Variants in EHMT2 observed in about 807,000 individuals in gnomAD.
EHMT2 encodes the protein euchromatic histone lysine methyltransferase 2.
Under a neutral mutation model 143.3 loss-of-function variants are expected in EHMT2, and 59 were observed. The ratio of observed to expected loss-of-function variants is 0.41; its 90% confidence interval spans 0.33 to 0.51. The LOEUF is 0.51. Among genes scored for constraint, EHMT2 ranks in the 20% least tolerant of loss-of-function variants. The pLI, the probability that EHMT2 is intolerant of heterozygous loss-of-function variation, is 0.18. For synonymous variants in EHMT2, 604 were observed against 651.5 expected (o/e 0.93, Z 1.11); for missense variants, 1,174 against 1,645.9 (o/e 0.71, Z 4.96).
In EHMT2 at chr6:31,884,376, G is replaced by A. The variant is rs752113238; in HGVS notation, c.2771+16C>T. Reference sequence around the variant, plus strand: ...GAGGAGGTGGTCTTGGGTGCAGAGAGGGGCCCAGGGCTCACCGGCAGATGA... The same window carrying A: ...GAGGAGGTGGTCTTGGGTGCAGAGAAGGGCCCAGGGCTCACCGGCAGATGA... On this transcript the variant is annotated intron_variant, in intron 21 of 27. Transcript: ENST00000375537. The surrounding 1 kb of genome is among the most constrained non-coding windows in gnomAD (Gnocchi z 7.3). The A allele has an allele frequency of 3.1e-6, 5 of 1,603,940 alleles. No homozygotes were observed. The highest frequency in any genetic ancestry group is 4.3e-6 in the Non-Finnish European group (5 of 1,175,064).
Position 31,889,566 on chromosome 6 carries a change from C to T in EHMT2, c.901G>A (p.Glu301Lys), listed in dbSNP as rs1357627067. 1.9e-6 allele frequency: 3 copies of T among 1,611,544 alleles called. No homozygotes were observed. Among genetic ancestry groups the T allele is most frequent in the Non-Finnish European group, 2.5e-6 (3 of 1,179,980 alleles). The change falls in exon 8 of 28, where the codon GAG becomes AAG. Residue 301 changes from glutamate to lysine, a missense_variant. Glu to Lys is a moderately conservative substitution (Grantham distance 56). Transcript: ENST00000375537. The surrounding 1 kb of genome is among the most constrained non-coding windows in gnomAD (Gnocchi z 5.1). ...TCTTCCTCCTCTTCCTCCTCCTCCT[C>T]TTCACTTAGTTGTTCAGTTAGAGCT...
At position 31,883,256 on chromosome 6, in the gene EHMT2, C is replaced by A. The variant is rs1045549736; in HGVS notation, c.2994+106G>T. 13 of 1,223,712 alleles carry A rather than the reference C, an allele frequency of 1.1e-5. No homozygotes were observed. Among genetic ancestry groups the A allele is most frequent in the Non-Finnish European group, 1.4e-5 (12 of 854,136 alleles). 75.8% of individuals were successfully genotyped at this position (1,223,712 alleles called of 1,614,324 possible). ...GCCCAGTCCTCTCAGTCACTTCCCCCACAGGGTAGGAGGTGAGGGACATGG... is the reference window on the plus strand; with the variant it reads ...GCCCAGTCCTCTCAGTCACTTCCCCAACAGGGTAGGAGGTGAGGGACATGG... On this transcript the variant is annotated intron_variant, in intron 23 of 27. Transcript: ENST00000375537. This position sits in a 1 kb window ranked among gnomAD's most constrained non-coding sequence, Gnocchi z 5.6.
chr6:31,883,774 C>A lies in EHMT2; in HGVS notation c.2916+32G>T. The A allele has an allele frequency of 1.9e-6, 3 of 1,608,664 alleles. No homozygotes were observed. Among genetic ancestry groups the A allele is most frequent in the Non-Finnish European group, 1.7e-6 (2 of 1,177,168 alleles). On this transcript the variant is annotated intron_variant, in intron 22 of 27. Coordinates refer to ENST00000375537, the Ensembl canonical transcript of EHMT2. The surrounding 1 kb of genome is among the most constrained non-coding windows in gnomAD (Gnocchi z 5.6). ...AACTGTACTTGGCAGCTCTCGGTGT[C>A]CTTTTGGGGAGGCCCCGGGCCCCCT...
At position 31,889,155 on chromosome 6, in the gene EHMT2, G is replaced by A. The variant is rs1196971826; in HGVS notation, c.1114+73C>T. 6.5e-7 allele frequency: 1 copy of A among 1,542,766 alleles called. No homozygotes were observed. The highest frequency in any genetic ancestry group is 8.8e-7 in the Non-Finnish European group (1 of 1,134,752). On this transcript the variant is annotated intron_variant, in intron 9 of 27. Transcript: ENST00000375537. This position sits in a 1 kb window ranked among gnomAD's most constrained non-coding sequence, Gnocchi z 5.1. ...CATGCAGGTGGACATGCGAGAGCGT[G>A]TGTGTGCGTGCACACACTCTGGGGG...
exon 5 of EHMT2, chr6:31,892,880 T>C (rs2151648753): frequency 6.3e-7 from 1 of 1,590,310 alleles, no homozygotes; most frequent in Non-Finnish European, 8.6e-7. Context: ...AAATGCTGTA[T>C]TTCAGGGGGC....
chr6:31,882,956 C>T (rs1238357108), exon 24 of EHMT2: 1 of 1,612,972 alleles, frequency 6.2e-7, no homozygotes, highest in South Asian at 1.1e-5. Context: ...CCTGGTTACA[C>T]TCGAAAATCA....
At chr6:31,893,670 G>A (rs1163761575) in intron 4 of EHMT2, 2 of 262,998 alleles carry the variant, frequency 7.6e-6, no homozygotes, top group Non-Finnish European at 1.5e-5. Flanking sequence ...ATGCTGCCCA[G>A]GTGAAAGGAA....
At position 31,896,511 on chromosome 6, in the gene EHMT2, C is replaced by A. The variant is rs770907168; in HGVS notation, c.334G>T (p.Ala112Ser). The change falls in exon 4 of 28, where the codon GCC becomes TCC. Residue 112 changes from alanine to serine, a missense_variant. Ala to Ser is a moderately conservative substitution (Grantham distance 99). Around this residue, in one of 6 missense-constraint regions of EHMT2, gnomAD observed 399 missense variants for 404.4 expected, o/e 0.99. Coordinates refer to ENST00000375537, the Ensembl canonical transcript of EHMT2. ...GGGGAAGAGGGGAATGACTTTGTGG[C>A]ATGGCCTAGAAAACAGGCAAGCAAA... is the stretch of plus-strand genomic sequence containing the variant. 1.1e-5 allele frequency: 18 copies of A among 1,612,732 alleles called. 1 individual carries two copies. The South Asian group carries it at 1.8e-4, about 16-fold the overall frequency.
rs1766373132 is a variant in EHMT2, at chr6:31,896,091, G to A, written c.582+172C>T. ...CACCCAAGAATGTAAACTGCAGGAA[G>A]AGAGGAACCTGTCTGTTGGTTCACA... On this transcript the variant is annotated intron_variant, in intron 4 of 27. Transcript: ENST00000375537. 4.7e-6 allele frequency: 4 copies of A among 854,996 alleles called. No homozygotes were observed. The South Asian group carries it at 9.0e-5, about 19-fold the overall frequency. 53.0% of individuals were successfully genotyped at this position (854,996 alleles called of 1,614,324 possible).
At chr6:31,892,426 C>G in exon 7 of EHMT2, 1 of 1,612,952 alleles carries the variant, frequency 6.2e-7, no homozygotes, top group Non-Finnish European at 8.5e-7. Context: ...GGAGTCCACG[C>G]GCTCATCCAC....
intron 4 of EHMT2, chr6:31,893,462 C>T: frequency 7.6e-6 from 3 of 393,150 alleles, no homozygotes; most frequent in Non-Finnish European, 1.5e-5. Flanking sequence ...GGATTACAGG[C>T]ACATGTCACA....
chr6:31,884,107 G>C lies in EHMT2; in HGVS notation c.2772-157C>G, dbSNP rs9267660. The C allele has an allele frequency of 0.034, 29,123 of 861,756 alleles. 1,152 individuals carry two copies. Among genetic ancestry groups the C allele is most frequent in the African/African-American group, 0.14 (8,148 of 58,602 alleles). 53.4% of individuals were successfully genotyped at this position (861,756 alleles called of 1,614,324 possible). ...GACAGCGAGTTAACATAGAATTTTA[G>C]ATAAACAAGAAATAGCTTTTTAGTA... is the stretch of plus-strand genomic sequence containing the variant. On this transcript the variant is annotated intron_variant, in intron 21 of 27. Transcript: ENST00000375537. This position sits in a 1 kb window ranked among gnomAD's most constrained non-coding sequence, Gnocchi z 7.3.
At chr6:31,885,406 C>T (rs1562485173) in intron 18 of EHMT2, 1 of 167,866 alleles carries the variant, frequency 6.0e-6, no homozygotes, top group Non-Finnish European at 1.3e-5. Flanking sequence ...ACCCGGGAGG[C>T]GGAGCTTGCA....
chr6:31,887,420 C>T (rs1376243771), intron 15 of EHMT2, among the ~76,000 whole-genome samples, 157 bp downstream of exon 15: 3 of 152,194 alleles, frequency 2.0e-5, no homozygotes. Flanking sequence ...TCACCACATC[C>T]CCATCGTTAT....
chr6:31,881,433 A>C lies in EHMT2; in HGVS notation c.3198-341T>G. The C allele has an allele frequency of 2.3e-6, 1 of 429,572 alleles. No individual in the cohort carries two copies. The highest frequency in any genetic ancestry group is 4.3e-6 in the Non-Finnish European group (1 of 230,470). The allele number at this position is 429,572 out of a possible 1,614,324, so 26.6% of individuals were successfully genotyped here. On this transcript the variant is annotated intron_variant, in intron 25 of 27. Transcript: ENST00000375537. This position sits in a 1 kb window ranked among gnomAD's most constrained non-coding sequence, Gnocchi z 4.8. ...AGGAATGGGCGATATGGAACAGGAGAGGGGCCAGGACTGCAGGAAGAGCCA... is the reference window on the plus strand; with the variant it reads ...AGGAATGGGCGATATGGAACAGGAGCGGGGCCAGGACTGCAGGAAGAGCCA...
chr6:31,888,585 G>A lies in EHMT2; in HGVS notation c.1365+14C>T. 6.2e-7 allele frequency: 1 copy of A among 1,611,314 alleles called. No homozygotes were observed. Among genetic ancestry groups the A allele is most frequent in the Non-Finnish European group, 8.5e-7 (1 of 1,179,454 alleles). ...GGACGCCCTGGCACCTCTCCCACCA[G>A]CCCACGGCCCCACCTCTCCGTCCAC... is the stretch of plus-strand genomic sequence containing the variant. On this transcript the variant is annotated intron_variant, in intron 11 of 27. Transcript: ENST00000375537. This position sits in a 1 kb window ranked among gnomAD's most constrained non-coding sequence, Gnocchi z 7.4.
chr6:31,879,878 T>C (rs148639657), exon 28 of EHMT2: 26 of 595,152 alleles, frequency 4.4e-5, no homozygotes, highest in Admixed American at 8.9e-5. Context: ...AGCCCTGAAG[T>C]TGCCCTCCCA....
Position 31,883,773 on chromosome 6 carries a change from T to G in EHMT2, c.2916+33A>C, listed in dbSNP as rs774605736. On this transcript the variant is annotated intron_variant, in intron 22 of 27. Transcript: ENST00000375537. This position sits in a 1 kb window ranked among gnomAD's most constrained non-coding sequence, Gnocchi z 5.6. ...CAACTGTACTTGGCAGCTCTCGGTG[T>G]CCTTTTGGGGAGGCCCCGGGCCCCC... 3.1e-6 allele frequency: 5 copies of G among 1,604,654 alleles called. No individual in the cohort carries two copies. In the South Asian group the frequency reaches 5.5e-5, roughly 18 times the overall value.
rs755132066 is a variant in EHMT2 at position 31,884,677 on chromosome 6, G to C, written c.2571C>G (p.Ile857Met). The change falls in exon 20 of 28, where the codon ATC becomes ATG. Residue 857 changes from isoleucine (I) to methionine (M), a missense_variant. Around this residue, in one of 6 missense-constraint regions of EHMT2, gnomAD observed 608 missense variants for 903.7 expected, o/e 0.67. Transcript: ENST00000375537. The surrounding 1 kb of genome is among the most constrained non-coding windows in gnomAD (Gnocchi z 7.3). ...AGTCATGGTAGCTCTCCCGAGCTGC[G>C]ATGTGCAGGGGGGTGTCCCCATGGT... The C allele has an allele frequency of 6.3e-7, 1 of 1,582,616 alleles. No individual in the cohort carries two copies. The highest frequency in any genetic ancestry group is 8.6e-7 in the Non-Finnish European group (1 of 1,160,826).
Sources: gnomAD v4.1 joint callset for allele counts (sites outside exome capture counted in the v4.1 genomes callset) on GRCh38, gnomAD v4.1.1 for gene constraint, gnomAD v4.1.1 regional missense constraint, Gnocchi (gnomAD v3.1) non-coding constraint, MANE v1.5 for transcripts, NCBI Gene and HGNC (gene_info 2026-07-23, HGNC 2026-07-21) for gene names.